Variants in BRCA1 observed in about 807,000 individuals in gnomAD.
BRCA1 encodes the protein breast cancer type 1 susceptibility protein.
A neutral mutation model predicts 173.7 loss-of-function variants in BRCA1; 140 were observed. The ratio of observed to expected loss-of-function variants is 0.81; its 90% CI spans 0.70 to 0.93. BRCA1 has a LOEUF of 0.93. Among genes scored for constraint, BRCA1 ranks in the 40% least tolerant of loss-of-function variants. BRCA1 has a pLI of 0.00. For missense variants in BRCA1, 1,983 were observed against 2,172.5 expected (o/e 0.91, Z 1.73); for synonymous variants, 662 against 756.0 (o/e 0.88, Z 2.04).
chr17:43,097,219 T>C (rs929583740), intron 8 of BRCA1, 25 bp downstream of exon 8: 2 of 1,606,622 alleles, frequency 1.2e-6, no homozygotes, highest in South Asian at 1.1e-5. Context: ...ACCAGCTTCA[T>C]AGACAAAGGT....
chr17:43,084,152 T>A (rs771496487), intron 11 of BRCA1, among the ~76,000 whole-genome samples: 3 of 152,090 alleles, frequency 2.0e-5, no homozygotes, highest in Non-Finnish European at 4.4e-5. Context: ...TGCTTCAGCC[T>A]CCTGAGTAGC....
In BRCA1 at chr17:43,099,828, A is replaced by G. The variant is rs2154528996; in HGVS notation, c.494T>C (p.Leu165Pro). ...QLSNLGTVRT[L>P]RTKQRIQPQK... The stretch of plus-strand genomic sequence containing the variant: ...AGGTTGTATCCGCTGCTTTGTCCTC[A>G]GAGTTCTCACAGTTCCAAGGTTAGA... Residue 165 changes from leucine (L) to proline (P), a missense_variant, in exon 7 of 23, where the codon CTG becomes CCG. Physicochemically the swap from Leu to Pro is moderately conservative, Grantham distance 98. Coordinates refer to ENST00000357654, the MANE Select transcript of BRCA1 (RefSeq NM_007294.4). 4 of 1,613,936 alleles carry G rather than the reference A, an allele frequency of 2.5e-6. No individual in the cohort carries two copies. The highest frequency in any genetic ancestry group is 3.4e-6 in the Non-Finnish European group (4 of 1,179,782).
intron 1 of BRCA1, among the ~76,000 whole-genome samples, chr17:43,124,537 T>A (rs1015010162): frequency 4.6e-5 from 7 of 152,132 alleles, no homozygotes; most frequent in Non-Finnish European, 8.8e-5. Flanking sequence ...CCTGCTCTCA[T>A]CTCTGGATCC....
chr17:43,098,987 T>TC (rs1386296474), intron 7 of BRCA1, among the ~76,000 whole-genome samples: 1 of 150,276 alleles, frequency 6.7e-6, no homozygotes, highest in Non-Finnish European at 1.5e-5. Flanking sequence ...CGGCTAATTT[T>TC]TTTTTTTTTT....
chr17:43,049,328 G>T lies in BRCA1; in HGVS notation c.5333-134C>A, dbSNP rs8176306. 2,025 of 816,116 alleles carry T rather than the reference G, an allele frequency of 2.5e-3. 8 individuals are homozygous for T. The highest frequency in any genetic ancestry group is 3.2e-3 in the South Asian group (225 of 69,482). 50.6% of individuals were successfully genotyped at this position (816,116 alleles called of 1,614,324 possible). On this transcript the variant is annotated intron_variant, in intron 20 of 22. Coordinates refer to ENST00000357654, the MANE Select transcript of BRCA1 (RefSeq NM_007294.4). ...GAGAGTCTGTCTCTCTGCTCCAAAG[G>T]ACAATGGTCTTAAAATAGTAGGGGT...
chr17:43,097,644 T>G (rs913254013), intron 7 of BRCA1, among the ~76,000 whole-genome samples: 4 of 152,186 alleles, frequency 2.6e-5, no homozygotes, highest in Admixed American at 2.0e-4. Flanking sequence ...TCTAACTTCC[T>G]AGGTTTGAAT....
intron 1 of BRCA1, among the ~76,000 whole-genome samples, chr17:43,157,995 C>CAAAAA: frequency 1.5e-5 from 1 of 65,948 alleles, no homozygotes. Context: ...AACTCTGTCT[C>CAAAAA]AAAAAAAAAA....
At chr17:43,106,626 AC>A (rs901233633) in intron 3 of BRCA1, 93 bp from the exon 4 acceptor site, 2 of 940,172 alleles carry the variant, frequency 2.1e-6, no homozygotes, top group African/African-American at 3.3e-5. Context: ...AGATAATCTC[AC>A]AACTGCCCTT....
chr17:43,126,350 T>TA (rs1463470288), upstream of BRCA1, among the ~76,000 whole-genome samples: 1 of 152,180 alleles, frequency 6.6e-6, no homozygotes, highest in African/African-American at 2.4e-5. Flanking sequence ...CGGGACTAGT[T>TA]ACTGTCTTTG....
At chr17:43,135,538 A>G (rs1188854041) in intron 1 of BRCA1, among the ~76,000 whole-genome samples, 1 of 152,172 alleles carries the variant, frequency 6.6e-6, no homozygotes, top group Non-Finnish European at 1.5e-5. Flanking sequence ...GGCCTAGTGT[A>G]GGGTCTCTGG....
intron 6 of BRCA1, among the ~76,000 whole-genome samples, chr17:43,101,914 C>CT (rs1445513354): frequency 2.6e-5 from 4 of 151,912 alleles, no homozygotes; most frequent in Non-Finnish European, 5.9e-5. Context: ...GTAATTTTCC[C>CT]TTTTTTTAAA....
In BRCA1 at chr17:43,079,369, G is replaced by C. The variant is rs1014956762; in HGVS notation, c.4358-2755C>G. ...TTCTCTAGGCCTTTTAGAAAACATG[G>C]AGTTGTTCCTTTGGCCATGTATATG... On this transcript the variant is annotated intron_variant, in intron 12 of 22. Transcript: ENST00000357654. 1.3e-6 allele frequency: 2 copies of C among 1,597,236 alleles called. No homozygotes were observed. Among genetic ancestry groups the C allele is most frequent in the African/African-American group, 2.7e-5 (2 of 74,842 alleles).
chr17:43,091,187 T>C (rs2053456018), intron 10 of BRCA1, 155 bp from the exon 11 acceptor site: 2 of 924,346 alleles, frequency 2.2e-6, no homozygotes, highest in Non-Finnish European at 3.4e-6. Flanking sequence ...TTTGCTTTTA[T>C]AAAATGAAAC....
chr17:43,059,211 C>T (rs2051639556), intron 18 of BRCA1, among the ~76,000 whole-genome samples: 3 of 152,138 alleles, frequency 2.0e-5, no homozygotes, highest in Admixed American at 6.6e-5. Flanking sequence ...CACCTGCAAT[C>T]CCAGCACTTT....
intron 2 of BRCA1, among the ~76,000 whole-genome samples, chr17:43,120,235 T>C (rs2055482450): frequency 6.6e-6 from 1 of 152,210 alleles, no homozygotes; most frequent in Admixed American, 6.5e-5. Context: ...CAGAAATAGC[T>C]GCCAATATTG....
intron 2 of BRCA1, among the ~76,000 whole-genome samples, chr17:43,121,436 G>C (rs1331960373): frequency 6.6e-6 from 1 of 151,944 alleles, no homozygotes; most frequent in Non-Finnish European, 1.5e-5. Flanking sequence ...TGTAATCCCA[G>C]CACTTTCGGA....
chr17:43,057,104 T>C lies in BRCA1; in HGVS notation c.5225A>G (p.Asn1742Ser), dbSNP rs864622104. Residue 1742 changes from asparagine to serine, a missense_variant, in exon 19 of 23, where the codon AAT becomes AGT. Transcript: ENST00000357654. ...HDFEVRGDVV[N>S]GRNHQGPKRA... ...CTTTGGACCTTGGTGGTTTCTTCCA[T>C]TGACCACATCTCCTCTGACTTCAAA... The C allele has an allele frequency of 6.2e-7, 1 of 1,614,084 alleles. No individual in the cohort carries two copies. The highest frequency in any genetic ancestry group is 8.5e-7 in the Non-Finnish European group (1 of 1,179,984).
intron 15 of BRCA1, among the ~76,000 whole-genome samples, 195 bp from the exon 16 acceptor site, chr17:43,067,890 TAAAAAA>T (rs71157702): frequency 2.0e-5 from 1 of 50,112 alleles, no homozygotes; most frequent in Non-Finnish European, 3.3e-5. Flanking sequence ...AGGCTGGAGG[TAAAAAA>T]AAAAAAAAAA....
In BRCA1 at chr17:43,062,594, G is replaced by T. The variant is rs531532120; in HGVS notation, c.5193+739C>A. On this transcript the variant is annotated intron_variant, in intron 18 of 22. Coordinates refer to ENST00000357654, the MANE Select transcript of BRCA1 (RefSeq NM_007294.4). ...GAGAACAGAGGATATCCTGGTTTGC[G>T]CTGCAAAATTTTTTTTTTTTTTAAG... 5.3e-5 allele frequency among the ~76,000 whole-genome samples: 8 copies of T among 151,978 alleles called. No individual in the cohort carries two copies. In the East Asian group the frequency reaches 1.5e-3, roughly 29 times the overall value.
Sources: gnomAD v4.1 joint callset for allele counts (sites outside exome capture counted in the v4.1 genomes callset) on GRCh38, gnomAD v4.1.1 for gene constraint, MANE v1.5 for transcripts, NCBI Gene and HGNC (gene_info 2026-07-23, HGNC 2026-07-21) for gene names.